Variants in CLMN observed in about 807,000 individuals in gnomAD.
CLMN encodes the protein calmin (calponin-like, transmembrane).
CLMN carries 57 observed loss-of-function variants against 92.7 expected under a neutral mutation model. The observed-to-expected ratio is 0.61, with a 90% CI of 0.50 to 0.77. The LOEUF (loss-of-function observed/expected upper bound fraction) is 0.77. Ranked by LOEUF, CLMN falls within the 30% of genes least tolerant of loss-of-function variation. The pLI is 0.00. For missense variants in CLMN, 1,158 were observed against 1,237.5 expected (o/e 0.94, Z 0.96); for synonymous variants, 466 against 470.6 (o/e 0.99, Z 0.13).
intron 1 of CLMN, among the ~76,000 whole-genome samples, chr14:95,260,103 A>ATCAT (rs977703970): frequency 1.6e-4 from 25 of 152,270 alleles, no homozygotes; most frequent in African/African-American, 5.8e-4. Context: ...CAGTAAGCAT[A>ATCAT]TCATTCATTC....
Position 95,221,729 on chromosome 14 carries a change from T to G in CLMN, c.286A>C (p.Asn96His). The stretch of plus-strand genomic sequence containing the variant: ...AAAAACTTAAGTGCTTTCGCTATGT[T>G]GTTCAACCGAAAAATACGATGCGAC... ...SSSHRIFRLNNIAKALKFLED... is the reference protein window; with the variant it reads ...SSSHRIFRLNHIAKALKFLED... The change falls in exon 4 of 13, where the codon AAC becomes CAC. Residue 96 changes from asparagine to histidine, a missense_variant. Coordinates refer to ENST00000298912, the MANE Select transcript of CLMN (RefSeq NM_024734.4). The G allele has an allele frequency of 6.2e-7, 1 of 1,614,190 alleles. No homozygotes were observed. The highest frequency in any genetic ancestry group is 8.5e-7 in the Non-Finnish European group (1 of 1,180,028).
At chr14:95,261,884 A>G (rs564536344) in intron 1 of CLMN, among the ~76,000 whole-genome samples, 5 of 152,348 alleles carry the variant, frequency 3.3e-5, no homozygotes, top group African/African-American at 1.2e-4. Flanking sequence ...ATGAGTATCC[A>G]TCAGCCTCAC....
chr14:95,245,325 C>A, intron 1 of CLMN, among the ~76,000 whole-genome samples: 1 of 93,560 alleles, frequency 1.1e-5, no homozygotes, highest in Admixed American at 1.2e-4. Flanking sequence ...AGGTAAGCTA[C>A]CTCAAATGTC....
Position 95,289,502 on chromosome 14 carries a change from TAAATAAACAAACAAAC to T in CLMN, c.82+30193_82+30208del, listed in dbSNP as rs1169358442. ...ATAAATAAATAAATAAATAAATAAA[TAAATAAACAAACAAAC>T]AAACAAAAAAACCGTTGTTCTACAT... On this transcript the variant is annotated intron_variant, in intron 1 of 12. Transcript: ENST00000298912. Among the ~76,000 whole-genome samples the T allele has an allele frequency of 1.5e-3, 135 of 93,022 alleles. 1 individual carries two copies. The highest frequency in any genetic ancestry group is 5.3e-3 in the Middle Eastern group (1 of 190). The allele number at this position is 93,022 out of a possible 152,430, so 61.0% of individuals were successfully genotyped here. A position where few individuals can be genotyped will look rare whatever the true frequency, so the allele number is the denominator to read the frequency against.
chr14:95,306,665 C>T (rs1015466260), intron 1 of CLMN, among the ~76,000 whole-genome samples: 18 of 152,240 alleles, frequency 1.2e-4, no homozygotes, highest in East Asian at 1.2e-3. Flanking sequence ...CAACAGCAGA[C>T]GATATTTAAT....
At chr14:95,272,398 G>A (rs2140723723) in intron 1 of CLMN, among the ~76,000 whole-genome samples, 1 of 152,278 alleles carries the variant, frequency 6.6e-6, no homozygotes, top group South Asian at 2.1e-4. Flanking sequence ...GAATGGGGTG[G>A]GAGAGAAGTT....
chr14:95,235,979 C>T (rs926530988), intron 1 of CLMN, among the ~76,000 whole-genome samples: 3 of 152,220 alleles, frequency 2.0e-5, no homozygotes, highest in African/African-American at 7.2e-5. Flanking sequence ...CCCTCTGCCA[C>T]CAAGCTGCTG....
intron 4 of CLMN, among the ~76,000 whole-genome samples, chr14:95,216,576 AAC>A (rs1209172168): frequency 6.6e-6 from 1 of 152,224 alleles, no homozygotes; most frequent in Non-Finnish European, 1.5e-5. Context: ...CCTTGGGACA[AAC>A]ACAGAGCACC....
intron 1 of CLMN, among the ~76,000 whole-genome samples, chr14:95,273,624 C>T (rs548383493): frequency 6.6e-6 from 1 of 152,294 alleles, no homozygotes; most frequent in East Asian, 1.9e-4. Flanking sequence ...TTATTCTGCA[C>T]CCGGCCCCTG....
Position 95,232,771 on chromosome 14 carries a change from G to A in CLMN, c.83-2638C>T, listed in dbSNP as rs189207616. 2.0e-5 allele frequency among the ~76,000 whole-genome samples: 3 copies of A among 152,252 alleles called. No homozygotes were observed. The East Asian group carries it at 5.8e-4, about 29-fold the overall frequency. On this transcript the variant is annotated intron_variant, in intron 1 of 12. Transcript: ENST00000298912. ...GAGAGTGTCTGTCCCAAGCTCTATC[G>A]GAGATCCTTCCACTTTGCAATATGG...
intron 1 of CLMN, among the ~76,000 whole-genome samples, chr14:95,257,266 T>C (rs562149191): frequency 6.6e-6 from 1 of 152,330 alleles, no homozygotes; most frequent in African/African-American, 2.4e-5. Flanking sequence ...AACCGCCCGC[T>C]GCATCTAGAC....
At chr14:95,274,426 G>C (rs1899842998) in intron 1 of CLMN, among the ~76,000 whole-genome samples, 1 of 152,158 alleles carries the variant, frequency 6.6e-6, no homozygotes, top group Non-Finnish European at 1.5e-5. Context: ...GCTGTGTCGT[G>C]TGTCAGCTGT....
In CLMN at chr14:95,194,348, C is replaced by G. The variant is rs1286812953; in HGVS notation, c.2769+188G>C. 1.4e-6 allele frequency: 2 copies of G among 1,438,100 alleles called. No homozygotes were observed. Among genetic ancestry groups the G allele is most frequent in the East Asian group, 2.5e-5 (1 of 39,632 alleles). 89.1% of individuals were successfully genotyped at this position (1,438,100 alleles called of 1,614,324 possible). On this transcript the variant is annotated intron_variant, in intron 11 of 12. Coordinates refer to ENST00000298912, the MANE Select transcript of CLMN (RefSeq NM_024734.4). This position sits in a 1 kb window ranked among gnomAD's most constrained non-coding sequence, Gnocchi z 4.0. ...TAAAATCCTCACTTTATTTACATCT[C>G]TTATTGCCCAAACCGGATATCCGAT...
intron 12 of CLMN, 73 bp downstream of exon 12, chr14:95,193,776 C>T (rs950504024): frequency 6.4e-7 from 1 of 1,571,646 alleles, no homozygotes; most frequent in African/African-American, 1.4e-5. Context: ...AATAACCACC[C>T]CTGTAAGGCA....
At chr14:95,213,798 C>A (rs1457902950) in intron 5 of CLMN, among the ~76,000 whole-genome samples, 1 of 152,116 alleles carries the variant, frequency 6.6e-6, no homozygotes, top group Non-Finnish European at 1.5e-5. Flanking sequence ...GCCCTTGCTG[C>A]CTCGATGTCC....
chr14:95,248,206 C>A (rs1048720871), intron 1 of CLMN, among the ~76,000 whole-genome samples: 16 of 151,586 alleles, frequency 1.1e-4, no homozygotes, highest in African/African-American at 3.2e-4. Context: ...TTGATTCAGA[C>A]AATTTTTTAA....
chr14:95,290,766 C>A (rs376425396), intron 1 of CLMN, among the ~76,000 whole-genome samples: 1 of 152,164 alleles, frequency 6.6e-6, no homozygotes, highest in African/African-American at 2.4e-5. Flanking sequence ...CCTAGGAAAC[C>A]CACGGACCTC....
At position 95,189,920 on chromosome 14, in the gene CLMN, G is replaced by A. The variant is rs1896522756; in HGVS notation, c.*1644C>T. On this transcript the variant is annotated 3_prime_UTR_variant, in exon 13 of 13. Transcript: ENST00000298912. ...GATTTTGGCTGTCATCGACTCAGAT[G>A]TGCTATGTAAATTCTTCTGGCCATG... 6.6e-6 allele frequency: 1 copy of A among 152,196 alleles called. No individual in the cohort carries two copies. Among genetic ancestry groups the A allele is most frequent in the South Asian group, 2.1e-4 (1 of 4,832 alleles). 9.4% of individuals were successfully genotyped at this position (152,196 alleles called of 1,614,324 possible). A position where few individuals can be genotyped will look rare whatever the true frequency, so the allele number is the denominator to read the frequency against.
chr14:95,293,480 A>G (rs1195472405), intron 1 of CLMN, among the ~76,000 whole-genome samples: 1 of 150,908 alleles, frequency 6.6e-6, no homozygotes, highest in Non-Finnish European at 1.5e-5. Context: ...TTTTTAAATC[A>G]AATCAAATAA....
Sources: allele counts gnomAD v4.1 joint callset (sites outside exome capture counted in the v4.1 genomes callset), GRCh38; gene constraint gnomAD v4.1.1; non-coding constraint Gnocchi (gnomAD v3.1); transcripts MANE v1.5; gene names NCBI Gene and HGNC (gene_info 2026-07-23, HGNC 2026-07-21).